The following MTHFD2 variants were observed in gnomAD, a reference collection of about 807,000 sequenced individuals.
MTHFD2 encodes the protein bifunctional methylenetetrahydrofolate dehydrogenase/cyclohydrolase, mitochondrial.
A neutral mutation model predicts 36.8 loss-of-function variants in MTHFD2; 26 were observed. The observed-to-expected ratio is 0.71, with a 90% confidence interval of 0.52 to 0.98. MTHFD2 has a LOEUF of 0.98. Ranked by LOEUF, MTHFD2 falls within the 50% of genes least tolerant of loss-of-function variation. The pLI is 0.00. For synonymous variants in MTHFD2, 164 were observed against 155.2 expected (o/e 1.06, Z -0.42); for missense variants, 373 against 434.0 (o/e 0.86, Z 1.25).
intron 1 of MTHFD2, among the ~76,000 whole-genome samples, chr2:74,203,103 A>G (rs756255760): frequency 6.6e-6 from 1 of 151,538 alleles, no homozygotes; most frequent in Non-Finnish European, 1.5e-5. Context: ...TGGGTTCGAG[A>G]TATTCTCCTA....
intron 5 of MTHFD2, among the ~76,000 whole-genome samples, chr2:74,210,345 G>T (rs903729752): frequency 6.6e-6 from 1 of 152,206 alleles, no homozygotes; most frequent in Non-Finnish European, 1.5e-5. Context: ...CTGGAGCTAA[G>T]GAGCAATTCT....
chr2:74,205,370 G>A (rs1313116310), intron 1 of MTHFD2, among the ~76,000 whole-genome samples: 1 of 152,190 alleles, frequency 6.6e-6, no homozygotes, highest in African/African-American at 2.4e-5. Flanking sequence ...TGGTGTAGCA[G>A]TTAAGAGCCC....
rs558161079 is a variant in MTHFD2 at position 74,211,377 on chromosome 2, G to T, written c.763+86G>T. 3.5e-5 allele frequency: 28 copies of T among 807,956 alleles called. No homozygotes were observed. The South Asian group carries it at 4.3e-4, about 12-fold the overall frequency. 50.0% of individuals were successfully genotyped at this position (807,956 alleles called of 1,614,324 possible). On this transcript the variant is annotated intron_variant, in intron 6 of 7. Transcript: ENST00000394053. ...CATCTTAGAATTCGCCTGCCTAGCT[G>T]CTATTCATCATTCCCCTTGTAATGA... is the stretch of plus-strand genomic sequence containing the variant.
chr2:74,199,521 T>C (rs1693992666), intron 1 of MTHFD2, among the ~76,000 whole-genome samples: 1 of 152,174 alleles, frequency 6.6e-6, no homozygotes, highest in South Asian at 2.1e-4. Flanking sequence ...GTGGTGATGG[T>C]TGCACAACAT....
rs189609046 is a variant in MTHFD2, at chr2:74,215,226, G to C, written c.*984G>C. The C allele has an allele frequency of 3.4e-3, 519 of 152,570 alleles. 2 individuals carry two copies. The highest frequency in any genetic ancestry group is 6.0e-3 in the Non-Finnish European group (410 of 68,004). The allele number at this position is 152,570 out of a possible 1,614,324, so 9.5% of individuals were successfully genotyped here. On this transcript the variant is annotated 3_prime_UTR_variant, in exon 8 of 8. Coordinates refer to ENST00000394053, the MANE Select transcript of MTHFD2 (RefSeq NM_006636.4). ...TTTGAGTTACTATTGAATTTAATCA[G>C]ACTTTCTGATTAAAGGGTTTTCTTT...
At chr2:74,203,395 A>G (rs958556612) in intron 1 of MTHFD2, among the ~76,000 whole-genome samples, 4 of 152,212 alleles carry the variant, frequency 2.6e-5, no homozygotes, top group Non-Finnish European at 4.4e-5. Flanking sequence ...TAAGATGTTG[A>G]GATTTGGTTT....
At position 74,207,845 on chromosome 2, in the gene MTHFD2, T is replaced by C; in HGVS notation, c.409+19T>C. 1 of 1,573,790 alleles carries C rather than the reference T, an allele frequency of 6.4e-7. No individual in the cohort carries two copies. The highest frequency in any genetic ancestry group is 8.7e-7 in the Non-Finnish European group (1 of 1,149,572). On this transcript the variant is annotated intron_variant, in intron 3 of 7. Transcript: ENST00000394053. ...CTTCCAGGTGAGTTTTGGACTCCATTTAACATGATTGCTGCTGCTTCTGCT... is the reference window on the plus strand; with the variant it reads ...CTTCCAGGTGAGTTTTGGACTCCATCTAACATGATTGCTGCTGCTTCTGCT...
intron 1 of MTHFD2, among the ~76,000 whole-genome samples, chr2:74,200,274 T>G (rs2103801509): frequency 6.6e-6 from 1 of 152,330 alleles, no homozygotes; most frequent in South Asian, 2.1e-4. Context: ...AAAAGAGATT[T>G]ATAAAGATGC....
chr2:74,206,882 A>C (rs1182426578), intron 2 of MTHFD2, among the ~76,000 whole-genome samples: 1 of 150,652 alleles, frequency 6.6e-6, no homozygotes, highest in Admixed American at 6.6e-5. Flanking sequence ...CGAATTTTGT[A>C]TTTTTAGTAG....
In MTHFD2 at chr2:74,205,905, A is replaced by T. The variant is rs1422028939; in HGVS notation, c.286+16A>T. The T allele has an allele frequency of 2.5e-6, 4 of 1,605,086 alleles. No individual in the cohort carries two copies. The highest frequency in any genetic ancestry group is 3.4e-6 in the Non-Finnish European group (4 of 1,173,264). On this transcript the variant is annotated intron_variant, in intron 2 of 7. Transcript: ENST00000394053. The stretch of plus-strand genomic sequence containing the variant: ...GCAGTTGTGGGTATGTGTCCTTCTG[A>T]GACCTCGACTGCGGTTCAGTTGAGG...
In MTHFD2 at chr2:74,205,707, A is replaced by G. The variant is rs1198361205; in HGVS notation, c.104A>G (p.Asn35Ser). ...LRPFHLAAVRNEAVVISGRKL... is the reference protein window; with the variant it reads ...LRPFHLAAVRSEAVVISGRKL... ...TGTGACTCTGTTGCCTTCTGCAGAA[A>G]TGAAGCTGTTGTCATTTCTGGAAGG... Residue 35 changes from asparagine to serine, a missense_variant and splice_region_variant, in exon 2 of 8, where the codon AAT (asparagine) becomes AGT (serine). By Grantham distance (46) the Asn-to-Ser change is conservative. Around this residue, in one of 2 missense-constraint regions of MTHFD2, gnomAD observed 308 missense variants for 397.8 expected, o/e 0.77. Transcript: ENST00000394053. 3 of 1,613,672 alleles carry G rather than the reference A, an allele frequency of 1.9e-6. No homozygotes were observed. The highest frequency in any genetic ancestry group is 8.5e-7 in the Non-Finnish European group (1 of 1,179,920).
chr2:74,203,843 CTAGTTTAGTTTAGTT>C (rs1171944961), intron 1 of MTHFD2, among the ~76,000 whole-genome samples: 1,287 of 80,562 alleles, frequency 0.016, 16 homozygotes, highest in South Asian at 0.027. Flanking sequence ...AGATGCTCAT[CTAGTTTAGTTTAGTT>C]TAGTTTAGTT....
chr2:74,214,178 A>G lies in MTHFD2; in HGVS notation c.989A>G (p.Lys330Arg), dbSNP rs762775112. 1 of 1,614,180 alleles carries G rather than the reference A, an allele frequency of 6.2e-7. No individual in the cohort carries two copies. Residue 330 changes from lysine (K) to arginine (R), a missense_variant, in exon 8 of 8, where the codon AAG (lysine) becomes AGG (arginine). Physicochemically the swap from Lys to Arg is conservative, Grantham distance 26. This residue lies in a region of MTHFD2 where 308 missense variants were observed against 397.8 expected (regional missense o/e 0.77). Transcript: ENST00000394053. ...AAGAATACCATTATTGCTGCAAAAA[A>G]GGTGCTGAGGCTTGAAGAGCGAGAA... The part of the protein sequence containing the change: ...LMKNTIIAAK[K>R]VLRLEEREVL...
chr2:74,198,632 G>C lies in MTHFD2; in HGVS notation c.-10G>C, dbSNP rs200377883. 9 of 1,595,570 alleles carry C rather than the reference G, an allele frequency of 5.6e-6. No homozygotes were observed. The highest frequency in any genetic ancestry group is 6.0e-6 in the Non-Finnish European group (7 of 1,170,916). ...GCGCTTCCCTCCCGGCGCAGTCACC[G>C]GCGCGGTCTATGGCTGCGACTTCTC... On this transcript the variant is annotated 5_prime_UTR_variant, in exon 1 of 8. Coordinates refer to ENST00000394053, the MANE Select transcript of MTHFD2 (RefSeq NM_006636.4).
intron 7 of MTHFD2, among the ~76,000 whole-genome samples, chr2:74,213,003 C>T (rs907913812): frequency 1.3e-5 from 2 of 151,514 alleles, no homozygotes; most frequent in Non-Finnish European, 2.9e-5. Flanking sequence ...CTCCCAGGTT[C>T]AAGTGATTCT....
intron 1 of MTHFD2, among the ~76,000 whole-genome samples, chr2:74,203,221 G>T (rs1436868446): frequency 6.6e-6 from 1 of 152,098 alleles, no homozygotes; most frequent in African/African-American, 2.4e-5. Flanking sequence ...GGCCAGGCTG[G>T]TCTCAAACCC....
chr2:74,214,099 T>C lies in MTHFD2; in HGVS notation c.910T>C (p.Tyr304His), dbSNP rs1694375332. The C allele has an allele frequency of 6.2e-7, 1 of 1,613,840 alleles. No homozygotes were observed. ...TGTAGGAGTCAGACAAAAAGCTGGG[T>C]ATATCACTCCAGTTCCTGGAGGTGT... ...DFEGVRQKAG[Y>H]ITPVPGGVGP... The change falls in exon 8 of 8, where the codon TAT becomes CAT. Residue 304 changes from tyrosine (Y) to histidine (H), a missense_variant. Tyr to His is a moderately conservative substitution (Grantham distance 83, BLOSUM62 2). Transcript: ENST00000394053.
chr2:74,208,987 C>T (rs1471551957), intron 4 of MTHFD2, among the ~76,000 whole-genome samples: 1 of 151,720 alleles, frequency 6.6e-6, no homozygotes, highest in Non-Finnish European at 1.5e-5. Context: ...GATTCTCATG[C>T]CTCAGCCTCC....
intron 4 of MTHFD2, 71 bp downstream of exon 4, chr2:74,208,792 A>C: frequency 6.0e-6 from 9 of 1,496,904 alleles, no homozygotes; most frequent in Non-Finnish European, 7.4e-6. Flanking sequence ...GTAAAAACTC[A>C]TACAGTCCCA....
Sources: gnomAD v4.1 joint callset for allele counts (sites outside exome capture counted in the v4.1 genomes callset) on GRCh38, gnomAD v4.1.1 for gene constraint, gnomAD v4.1.1 regional missense constraint, MANE v1.5 for transcripts, NCBI Gene and HGNC (gene_info 2026-07-23, HGNC 2026-07-21) for gene names.